The following CSMD1 variants were observed in gnomAD, a reference collection of about 807,000 sequenced individuals.
CSMD1 encodes CUB and Sushi multiple domains 1, also known as CUB and sushi domain-containing protein 1.
A neutral mutation model predicts 417.5 loss-of-function variants in CSMD1; 213 were observed. The ratio of observed to expected loss-of-function variants is 0.51; its 90% confidence interval spans 0.46 to 0.57. The LOEUF is 0.57. Among genes scored for constraint, CSMD1 ranks in the 20% least tolerant of loss-of-function variants. CSMD1 has a pLI of 0.00. For synonymous variants in CSMD1, 2,862 were observed against 1,736.8 expected, an observed-to-expected ratio of 1.65 and a Z score of -16.11; for missense variants, 6,923 against 4,529.7, an observed-to-expected ratio of 1.53 and a Z score of -15.17.
chr8:4,331,776 G>C (rs758060544), intron 3 of CSMD1, among the ~76,000 whole-genome samples: 2 of 152,012 alleles, frequency 1.3e-5, no homozygotes, highest in East Asian at 3.9e-4. Flanking sequence ...GTCTTCCCAG[G>C]AGAGGTTTTT....
At chr8:3,358,352 C>G (rs772172311) in intron 21 of CSMD1, among the ~76,000 whole-genome samples, 31 of 152,214 alleles carry the variant, frequency 2.0e-4, no homozygotes, top group Non-Finnish European at 3.5e-4. Context: ...CCAGAATATG[C>G]TGAGCAACAT....
At chr8:3,477,879 C>A (rs1302835920) in intron 11 of CSMD1, among the ~76,000 whole-genome samples, 1 of 152,128 alleles carries the variant, frequency 6.6e-6, no homozygotes, top group Non-Finnish European at 1.5e-5. Flanking sequence ...TGATGTGTAC[C>A]ACTGCAGAGG....
rs1476881176 is a variant in CSMD1, at chr8:3,161,509, T to C, written c.5844+650A>G. Among the ~76,000 whole-genome samples the C allele has an allele frequency of 4.0e-5, 6 of 150,506 alleles. No individual in the cohort carries two copies. The East Asian group carries it at 1.2e-3, about 30-fold the overall frequency. ...GCAGGTGCCTGTAATACCAGCTACT[T>C]GGGAGGCTGAGGCAGGAGAATTGTT... On this transcript the variant is annotated intron_variant, in intron 38 of 69. Coordinates refer to ENST00000635120, the MANE Select transcript of CSMD1 (RefSeq NM_033225.6).
At position 4,434,465 on chromosome 8, in the gene CSMD1, C is replaced by A. The variant is rs78434121; in HGVS notation, c.303-14400G>T. Among the ~76,000 whole-genome samples, 12 of 152,154 alleles carry A rather than the reference C, an allele frequency of 7.9e-5. No homozygotes were observed. The East Asian group carries it at 2.3e-3, about 29-fold the overall frequency. ...GCTTTGTGACCCATCCTATGAAGTCCCCACACTCTAACAGAAGGAAAGAAA... is the reference window on the plus strand; with the variant it reads ...GCTTTGTGACCCATCCTATGAAGTCACCACACTCTAACAGAAGGAAAGAAA... On this transcript the variant is annotated intron_variant, in intron 2 of 69. Coordinates refer to ENST00000635120, the MANE Select transcript of CSMD1 (RefSeq NM_033225.6).
At chr8:4,362,609 C>G (rs992648256) in intron 3 of CSMD1, among the ~76,000 whole-genome samples, 1 of 152,130 alleles carries the variant, frequency 6.6e-6, no homozygotes, top group African/African-American at 2.4e-5. Flanking sequence ...AATAAACATT[C>G]TTTTCTCTTT....
At chr8:3,995,830 G>T (rs147470592) in intron 5 of CSMD1, among the ~76,000 whole-genome samples, 2 of 152,120 alleles carry the variant, frequency 1.3e-5, no homozygotes, top group African/African-American at 4.8e-5. Flanking sequence ...AAGCTAACAG[G>T]CAACAGAGTT....
intron 26 of CSMD1, among the ~76,000 whole-genome samples, chr8:3,279,706 A>G (rs112634126): frequency 6.6e-6 from 1 of 152,244 alleles, no homozygotes; most frequent in African/African-American, 2.4e-5. Flanking sequence ...GCCTCAGGAA[A>G]CTTACAATCA....
intron 2 of CSMD1, among the ~76,000 whole-genome samples, chr8:4,530,601 T>C (rs1378094893): frequency 6.6e-6 from 1 of 151,486 alleles, no homozygotes; most frequent in Non-Finnish European, 1.5e-5. Context: ...CGGTACTTGA[T>C]TTTCTGTTCC....
At chr8:3,393,957 G>C (rs1406948200) in intron 17 of CSMD1, among the ~76,000 whole-genome samples, 2 of 133,918 alleles carry the variant, frequency 1.5e-5, no homozygotes, top group African/African-American at 5.5e-5. Flanking sequence ...CCTGCACGTT[G>C]TGCACATGTA....
chr8:4,750,861 G>C (rs182576735), intron 1 of CSMD1, among the ~76,000 whole-genome samples: 99 of 152,266 alleles, frequency 6.5e-4, no homozygotes, highest in African/African-American at 2.3e-3. Flanking sequence ...TTGGGATTTA[G>C]TGAAGGGACT....
chr8:3,777,637 A>G (rs906397261), intron 5 of CSMD1, among the ~76,000 whole-genome samples: 7 of 152,226 alleles, frequency 4.6e-5, no homozygotes, highest in Admixed American at 3.3e-4. Flanking sequence ...CCAACCAGCA[A>G]CAAGAACTCC....
chr8:4,348,266 G>A (rs950304917), intron 3 of CSMD1, among the ~76,000 whole-genome samples: 1 of 152,168 alleles, frequency 6.6e-6, no homozygotes, highest in African/African-American at 2.4e-5. Context: ...ATGTCTAAGG[G>A]GAAGGTAGAT....
chr8:4,862,029 A>G (rs1802166566), intron 1 of CSMD1, among the ~76,000 whole-genome samples: 1 of 152,058 alleles, frequency 6.6e-6, no homozygotes. Flanking sequence ...ACTGAACAGG[A>G]GGGATTGCGT....
At position 3,284,525 on chromosome 8, in the gene CSMD1, T is replaced by C. The variant is rs1028126253; in HGVS notation, c.3951-179A>G. On this transcript the variant is annotated intron_variant, in intron 25 of 69. Transcript: ENST00000635120. ...AGGCTCACCGAAGATAATTCAGGAG[T>C]GTAAATTAGGATAAAGCACACAGGA... 5.0e-6 allele frequency: 3 copies of C among 605,110 alleles called. No homozygotes were observed. In the African/African-American group the frequency reaches 5.6e-5, roughly 11 times the overall value. 37.5% of individuals were successfully genotyped at this position (605,110 alleles called of 1,614,324 possible).
At chr8:3,828,660 C>A (rs559369311) in intron 5 of CSMD1, among the ~76,000 whole-genome samples, 5 of 152,154 alleles carry the variant, frequency 3.3e-5, no homozygotes. Flanking sequence ...TCCAAGCCAT[C>A]GTCATCTTTC....
intron 11 of CSMD1, among the ~76,000 whole-genome samples, chr8:3,469,387 C>T (rs547860722): frequency 3.2e-4 from 48 of 152,244 alleles, no homozygotes; most frequent in African/African-American, 1.1e-3. Flanking sequence ...AAAAGAACAA[C>T]ATGCATAGCT....
At position 3,558,082 on chromosome 8, in the gene CSMD1, C is replaced by A. The variant is rs886395431; in HGVS notation, c.1344+16863G>T. ...GATGATGAATAGTGCCTCAATAGTA[C>A]CCCGTGTCGACTCCTCCAATGATGA... On this transcript the variant is annotated intron_variant, in intron 10 of 69. Coordinates refer to ENST00000635120, the MANE Select transcript of CSMD1 (RefSeq NM_033225.6). Among the ~76,000 whole-genome samples the A allele has an allele frequency of 1.1e-4, 16 of 149,820 alleles. 1 individual carries two copies. The highest frequency in any genetic ancestry group is 4.0e-4 in the African/African-American group (16 of 40,402).
chr8:4,156,057 C>A (rs116757754), intron 3 of CSMD1, among the ~76,000 whole-genome samples: 4 of 152,036 alleles, frequency 2.6e-5, no homozygotes, highest in South Asian at 2.1e-4. Flanking sequence ...TAGATTCCTA[C>A]AGAAATGGAA....
chr8:4,390,911 G>C (rs181699020), intron 3 of CSMD1, among the ~76,000 whole-genome samples: 1 of 152,240 alleles, frequency 6.6e-6, no homozygotes, highest in East Asian at 1.9e-4. Flanking sequence ...AATGTAGAAA[G>C]GTAGTTATCA....
Sources: gnomAD v4.1 joint callset for allele counts (sites outside exome capture counted in the v4.1 genomes callset) on GRCh38, gnomAD v4.1.1 for gene constraint, MANE v1.5 for transcripts, NCBI Gene and HGNC (gene_info 2026-07-23, HGNC 2026-07-21) for gene names.